The following EPHA6 variants were observed in gnomAD, a reference collection of about 807,000 sequenced individuals.
EPHA6 encodes ephrin type-A receptor 6.
Under a neutral mutation model 112.0 loss-of-function variants are expected in EPHA6, and 50 were observed. That is an observed-to-expected ratio of 0.45 (90% CI 0.36 to 0.56). EPHA6 has a LOEUF of 0.56. EPHA6 is among the 20% of genes least tolerant of loss of function. EPHA6 has a pLI of 0.00. For missense variants in EPHA6, 1,280 were observed against 1,417.4 expected, an observed-to-expected ratio of 0.90 and a Z score of 1.56; for synonymous variants, 529 against 490.7, an observed-to-expected ratio of 1.08 and a Z score of -1.03.
intron 3 of EPHA6, among the ~76,000 whole-genome samples, chr3:97,129,079 C>T (rs1422535124): frequency 2.0e-5 from 3 of 151,748 alleles, no homozygotes; most frequent in African/African-American, 2.4e-5. Flanking sequence ...TTCATCATGT[C>T]GTCCAGGCTG....
At chr3:97,693,347 T>G (rs2032797690) in intron 14 of EPHA6, among the ~76,000 whole-genome samples, 1 of 152,222 alleles carries the variant, frequency 6.6e-6, no homozygotes, top group South Asian at 2.1e-4. Flanking sequence ...ATAAAACAGT[T>G]TTCTAATCAG....
chr3:97,247,302 T>A (rs1474306925), intron 5 of EPHA6, among the ~76,000 whole-genome samples: 1 of 152,016 alleles, frequency 6.6e-6, no homozygotes. Context: ...ATTTAACATA[T>A]TTTTAGTGTA....
chr3:96,844,882 G>T (rs1027405807), intron 1 of EPHA6, among the ~76,000 whole-genome samples: 4 of 151,894 alleles, frequency 2.6e-5, no homozygotes, highest in African/African-American at 9.7e-5. Context: ...TATTCTAAAA[G>T]AAGCTGATCC....
chr3:97,712,061 A>G (rs899311736), intron 14 of EPHA6, among the ~76,000 whole-genome samples: 3 of 152,232 alleles, frequency 2.0e-5, no homozygotes, highest in African/African-American at 7.2e-5. Context: ...AATTTAATGT[A>G]TTAAATATCT....
chr3:97,060,841 G>A (rs989523951), intron 3 of EPHA6, among the ~76,000 whole-genome samples: 2 of 146,476 alleles, frequency 1.4e-5, no homozygotes, highest in South Asian at 2.2e-4. Context: ...GGAGAATGGC[G>A]TGAACCCGGG....
chr3:97,432,988 T>TAGATAGATTGCA (rs1365659822), intron 6 of EPHA6, among the ~76,000 whole-genome samples: 3 of 152,142 alleles, frequency 2.0e-5, no homozygotes, highest in Non-Finnish European at 4.4e-5. Flanking sequence ...TAGTTTGCAA[T>TAGATAGATTGCA]ATAGAAGATC....
chr3:97,054,590 T>C (rs2045792984), intron 3 of EPHA6, among the ~76,000 whole-genome samples: 2 of 152,250 alleles, frequency 1.3e-5, no homozygotes, highest in South Asian at 2.1e-4. Context: ...ATGTCCACTT[T>C]CTAAGTCATT....
At chr3:96,925,790 GAGGTGGGGTTTCACCATGTTGTCC>G (rs1345515996) in intron 2 of EPHA6, among the ~76,000 whole-genome samples, 1 of 151,992 alleles carries the variant, frequency 6.6e-6, no homozygotes, top group East Asian at 1.9e-4. Context: ...AATTTTAGTA[GAGGTGGGGTTTCACCATGTTGTCC>G]AGGTTGGTCT....
chr3:97,323,365 A>T (rs957692829), intron 5 of EPHA6, among the ~76,000 whole-genome samples: 1 of 151,964 alleles, frequency 6.6e-6, no homozygotes, highest in Non-Finnish European at 1.5e-5. Flanking sequence ...CTAAATAAAT[A>T]TATAGGTGAA....
rs80167890 is a variant in EPHA6, at chr3:97,373,302, T to G, written c.1607-31848T>G. On this transcript the variant is annotated intron_variant, in intron 5 of 17. Transcript: ENST00000389672. ...TCTGTTCGTTTTGTAATTTTTAAAATTATCATGTATATGATCTCACATTTC... is the reference window on the plus strand; with the variant it reads ...TCTGTTCGTTTTGTAATTTTTAAAAGTATCATGTATATGATCTCACATTTC... Among the ~76,000 whole-genome samples the G allele has an allele frequency of 6.5e-3, 987 of 152,244 alleles. 11 individuals carry two copies. The highest frequency in any genetic ancestry group is 0.02 in the Admixed American group (304 of 15,270).
rs538764481 is a variant in EPHA6 at position 96,875,438 on chromosome 3, A to G, written c.450+8549A>G. Among the ~76,000 whole-genome samples the G allele has an allele frequency of 2.6e-5, 4 of 152,184 alleles. No individual in the cohort carries two copies. The South Asian group carries it at 8.3e-4, about 32-fold the overall frequency. ...TCAGAATATTCCTTCCTGTACAGCA[A>G]CCTCTGCAAAAGAAAATGTATTGCT... On this transcript the variant is annotated intron_variant, in intron 2 of 17. Transcript: ENST00000389672.
In EPHA6 at chr3:97,700,053, A is replaced by G. The variant is rs371993769; in HGVS notation, c.2785-20208A>G. Among the ~76,000 whole-genome samples, 14 of 152,364 alleles carry G rather than the reference A, an allele frequency of 9.2e-5. No individual in the cohort carries two copies. In the South Asian group the frequency reaches 2.7e-3, roughly 29 times the overall value. On this transcript the variant is annotated intron_variant, in intron 14 of 17. Coordinates refer to ENST00000389672, the MANE Select transcript of EPHA6 (RefSeq NM_001080448.3). ...AGTTTAGCAAGAAAGAATGTGAAGCAATACCACAACATATTACTGTGTTTG... is the reference window on the plus strand; with the variant it reads ...AGTTTAGCAAGAAAGAATGTGAAGCGATACCACAACATATTACTGTGTTTG...
At chr3:96,880,071 C>T (rs889769905) in intron 2 of EPHA6, among the ~76,000 whole-genome samples, 2 of 151,714 alleles carry the variant, frequency 1.3e-5, no homozygotes, top group Non-Finnish European at 2.9e-5. Flanking sequence ...ATCCATGTAA[C>T]CAATAACCAC....
At chr3:97,336,250 T>G (rs888755195) in intron 5 of EPHA6, among the ~76,000 whole-genome samples, 2 of 152,136 alleles carry the variant, frequency 1.3e-5, no homozygotes, top group Admixed American at 6.6e-5. Flanking sequence ...GTAAGCTAAG[T>G]TCCTCCCAAA....
chr3:97,056,651 A>C (rs2045862705), intron 3 of EPHA6, among the ~76,000 whole-genome samples: 1 of 152,166 alleles, frequency 6.6e-6, no homozygotes, highest in African/African-American at 2.4e-5. Context: ...CCCAGACTTC[A>C]CAGAGCCCCT....
At chr3:97,380,550 T>G (rs892645873) in intron 5 of EPHA6, among the ~76,000 whole-genome samples, 1 of 152,148 alleles carries the variant, frequency 6.6e-6, no homozygotes, top group African/African-American at 2.4e-5. Context: ...CCAGACAAGT[T>G]GCATTTCTTA....
At chr3:97,732,321 C>T (rs924971886) in intron 15 of EPHA6, among the ~76,000 whole-genome samples, 2 of 151,610 alleles carry the variant, frequency 1.3e-5, no homozygotes, top group African/African-American at 2.4e-5. Context: ...CAGTCACCTC[C>T]TGGAAGAAGC....
At chr3:97,558,533 T>G (rs1240693802) in intron 11 of EPHA6, among the ~76,000 whole-genome samples, 2 of 152,052 alleles carry the variant, frequency 1.3e-5, no homozygotes, top group Non-Finnish European at 2.9e-5. Context: ...CTTTCCCCCA[T>G]TCTCTATACT....
At chr3:97,535,480 A>C (rs2107657205) in intron 11 of EPHA6, among the ~76,000 whole-genome samples, 1 of 152,234 alleles carries the variant, frequency 6.6e-6, no homozygotes, top group South Asian at 2.1e-4. Context: ...GAGATGGAGA[A>C]GGGAATAATC....
Sources: gnomAD v4.1 joint callset for allele counts (sites outside exome capture counted in the v4.1 genomes callset) on GRCh38, gnomAD v4.1.1 for gene constraint, MANE v1.5 for transcripts, NCBI Gene and HGNC (gene_info 2026-07-23, HGNC 2026-07-21) for gene names.